The following FBRSL1 variants were observed in gnomAD, a reference collection of about 807,000 sequenced individuals.
FBRSL1 encodes fibrosin like 1.
A neutral mutation model predicts 89.6 loss-of-function variants in FBRSL1; 51 were observed. That is an observed-to-expected ratio of 0.57 (90% CI 0.45 to 0.72). The LOEUF is 0.72. Ranked by LOEUF, FBRSL1 falls within the 30% of genes least tolerant of loss-of-function variation. The pLI is 0.00. For synonymous variants in FBRSL1, 779 were observed against 681.1 expected, an observed-to-expected ratio of 1.14 and a Z score of -2.24; for missense variants, 1,618 against 1,451.8, an observed-to-expected ratio of 1.11 and a Z score of -1.86.
In FBRSL1 at chr12:132,572,643, TGG is replaced by T. The variant is rs1238637505; in HGVS notation, c.1530+24_1530+25del. The T allele has an allele frequency of 2.4e-5, 36 of 1,522,592 alleles. No homozygotes were observed. The Admixed American group carries it at 7.1e-4, about 30-fold the overall frequency. The allele number at this position is 1,522,592 out of a possible 1,614,324, so 94.3% of individuals were successfully genotyped here. A position where few individuals can be genotyped will look rare whatever the true frequency, so the allele number is the denominator to read the frequency against. The stretch of plus-strand genomic sequence containing the variant: ...CTAAGGTACCGCTGCCCCTGGCAGG[TGG>T]GGCGGGCACAGCGGGTGGGTGGATT... On this transcript the variant is annotated intron_variant, in intron 11 of 18. Transcript: ENST00000680143.
intron 5 of FBRSL1, among the ~76,000 whole-genome samples, chr12:132,559,171 C>T (rs1293881365): frequency 6.6e-6 from 1 of 152,250 alleles, no homozygotes; most frequent in Non-Finnish European, 1.5e-5. Flanking sequence ...TCCCTCCCGG[C>T]CACCTCAAGT....
In FBRSL1 at chr12:132,499,243, G is replaced by C. The variant is rs1204310465; in HGVS notation, c.291+8382G>C. 6.6e-6 allele frequency among the ~76,000 whole-genome samples: 1 copy of C among 152,060 alleles called. No individual in the cohort carries two copies. The highest frequency in any genetic ancestry group is 1.5e-5 in the Non-Finnish European group (1 of 67,986). ...TGCCGGGCAGGGGTGGTGCCGGGCA[G>C]GGGTGGTGCTGGACCTCTGGGAGAG... On this transcript the variant is annotated intron_variant, in intron 1 of 18. Coordinates refer to ENST00000680143, the MANE Select transcript of FBRSL1 (RefSeq NM_001367871.1). This position sits in a 1 kb window ranked among gnomAD's most constrained non-coding sequence, Gnocchi z 4.3.
chr12:132,581,861 C>T, intron 17 of FBRSL1, 37 bp downstream of exon 17: 1 of 1,489,948 alleles, frequency 6.7e-7, no homozygotes, highest in Non-Finnish European at 9.0e-7. Context: ...CCCCCGATGC[C>T]CGCGCCCCTC....
intron 2 of FBRSL1, among the ~76,000 whole-genome samples, chr12:132,512,889 G>C (rs915203208): frequency 2.6e-5 from 4 of 152,194 alleles, no homozygotes; most frequent in Admixed American, 2.6e-4. Flanking sequence ...AGGGGCTCTC[G>C]AGGCCTGGCC....
intron 15 of FBRSL1, chr12:132,580,805 C>G (rs2040692981): frequency 1.0e-6 from 1 of 985,332 alleles, no homozygotes; most frequent in Non-Finnish European, 1.2e-6. Flanking sequence ...GAAACCTGCT[C>G]TCTGGACCCA....
Position 132,569,966 on chromosome 12 carries a change from G to A in FBRSL1, c.732G>A (p.Val244=). 3 of 1,450,848 alleles carry A rather than the reference G, an allele frequency of 2.1e-6. No individual in the cohort carries two copies. The highest frequency in any genetic ancestry group is 2.7e-6 in the Non-Finnish European group (3 of 1,110,362). 89.9% of individuals were successfully genotyped at this position (1,450,848 alleles called of 1,614,324 possible). ...LEKSEAKAGP[V]PKVSGLERSR... ...AGTCGGAGGCCAAGGCCGGGCCGGT[G>A]CCCAAGGTGTCAGGCCTGGAGCGCA... is the stretch of plus-strand genomic sequence containing the variant. The change falls in exon 7 of 19, where the codon GTG becomes GTA. Residue 244 remains valine (V), a synonymous_variant. Coordinates refer to ENST00000680143, the MANE Select transcript of FBRSL1 (RefSeq NM_001367871.1).
intron 2 of FBRSL1, among the ~76,000 whole-genome samples, chr12:132,514,221 G>A (rs1265793558): frequency 6.6e-6 from 1 of 152,184 alleles, no homozygotes; most frequent in African/African-American, 2.4e-5. Flanking sequence ...GGCATGAGTG[G>A]GGGGCTGGGG....
intron 2 of FBRSL1, among the ~76,000 whole-genome samples, chr12:132,516,557 T>G (rs1281770984): frequency 6.6e-6 from 1 of 152,078 alleles, no homozygotes; most frequent in East Asian, 1.9e-4. Context: ...CAGTGCCACC[T>G]CCCCCAGCCT....
rs7979693 is a variant in FBRSL1 at position 132,574,207 on chromosome 12, G to C, written c.1599+49G>C. The stretch of plus-strand genomic sequence containing the variant: ...CCCACCCCGGGGGATGGCCTGCCCC[G>C]GCCGGGCCCTGTGCGGGCTGGTGGC... On this transcript the variant is annotated intron_variant, in intron 12 of 18. Transcript: ENST00000680143. 3.7e-3 allele frequency: 5,365 copies of C among 1,431,742 alleles called. 169 individuals carry two copies. In the African/African-American group the frequency reaches 0.066, roughly 18 times the overall value. 88.7% of individuals were successfully genotyped at this position (1,431,742 alleles called of 1,614,324 possible).
rs1053474813 is a variant in FBRSL1 at position 132,546,715 on chromosome 12, C to G, written c.616-1288C>G. Among the ~76,000 whole-genome samples the G allele has an allele frequency of 1.8e-4, 27 of 152,216 alleles. No homozygotes were observed. The highest frequency in any genetic ancestry group is 4.6e-4 in the Admixed American group (7 of 15,286). Reference sequence around the variant, plus strand: ...CCTGTCAGCCTCAGGAGACCCCCCCCACAGGCCCACCCCAGCTGCCCAGCT... The same window carrying G: ...CCTGTCAGCCTCAGGAGACCCCCCCGACAGGCCCACCCCAGCTGCCCAGCT... On this transcript the variant is annotated intron_variant, in intron 4 of 18. Coordinates refer to ENST00000680143, the MANE Select transcript of FBRSL1 (RefSeq NM_001367871.1). This position sits in a 1 kb window ranked among gnomAD's most constrained non-coding sequence, Gnocchi z 4.0.
At chr12:132,581,912 T>TGACCTCCCTCCTCTCTGG in intron 17 of FBRSL1, 88 bp downstream of exon 17, 1 of 1,353,878 alleles carries the variant, frequency 7.4e-7, no homozygotes, top group Non-Finnish European at 1.0e-6. Flanking sequence ...GATGCCTGGC[T>TGACCTCCCTCCTCTCTGG]GACCTCCCTC....
chr12:132,577,680 G>A (rs11146949), intron 15 of FBRSL1, among the ~76,000 whole-genome samples: 1,586 of 140,874 alleles, frequency 0.011, 32 homozygotes, highest in East Asian at 0.11. Flanking sequence ...GACCACACCC[G>A]AGTGTCATCC....
intron 1 of FBRSL1, among the ~76,000 whole-genome samples, chr12:132,492,841 A>C (rs559443188): frequency 6.6e-6 from 1 of 152,354 alleles, no homozygotes; most frequent in Admixed American, 6.5e-5. Context: ...GGGCTTCTGC[A>C]CAAGTCATAA....
Position 132,571,196 on chromosome 12 carries a change from C to G in FBRSL1, c.1342C>G (p.His448Asp). Residue 448 changes from histidine to aspartate, a missense_variant, in exon 9 of 19, where the codon CAC (histidine) becomes GAC (aspartate). By Grantham distance (81) the His-to-Asp change is moderately conservative. Transcript: ENST00000680143. ...APLGPHVASG[H>D]PGLACRPREC... is the part of the protein sequence containing the mutation. ...CCTGGGCCCGCACGTGGCGAGCGGC[C>G]ACCCCGGCTTGGCCTGCCGACCCCG... is the stretch of plus-strand genomic sequence containing the variant. The G allele has an allele frequency of 2.1e-6, 3 of 1,434,412 alleles. No homozygotes were observed. The highest frequency in any genetic ancestry group is 2.7e-6 in the Non-Finnish European group (3 of 1,091,394). The allele number at this position is 1,434,412 out of a possible 1,614,324, so 88.9% of individuals were successfully genotyped here.
rs11208 is a variant in FBRSL1, at chr12:132,584,760, T to C, written c.*982T>C. 0.21 allele frequency: 32,257 copies of C among 152,346 alleles called. 3,650 individuals carry two copies. Among genetic ancestry groups the C allele is most frequent in the Middle Eastern group, 0.31 (91 of 294 alleles). 9.4% of individuals were successfully genotyped at this position (152,346 alleles called of 1,614,324 possible). A position where few individuals can be genotyped will look rare whatever the true frequency, so the allele number is the denominator to read the frequency against. On this transcript the variant is annotated 3_prime_UTR_variant, in exon 19 of 19. Coordinates refer to ENST00000680143, the MANE Select transcript of FBRSL1 (RefSeq NM_001367871.1). ...GTTTGTGTGGATGGTGCAGTGTTCT[T>C]GGAATCTGTAGACCAGATCGGTGGA... is the stretch of plus-strand genomic sequence containing the variant.
intron 2 of FBRSL1, chr12:132,510,810 G>A (rs941037048): frequency 1.8e-5 from 20 of 1,117,660 alleles, no homozygotes; most frequent in African/African-American, 1.1e-4. Context: ...CCCTGAGGGC[G>A]GGGACCTTGC....
chr12:132,561,155 C>T (rs2039091093), intron 5 of FBRSL1, among the ~76,000 whole-genome samples: 2 of 152,234 alleles, frequency 1.3e-5, no homozygotes, highest in Admixed American at 6.5e-5. Context: ...TGGAGGCCAC[C>T]TGCCTCCGGG....
intron 4 of FBRSL1, among the ~76,000 whole-genome samples, chr12:132,530,451 G>A (rs1019538499): frequency 6.6e-6 from 1 of 151,950 alleles, no homozygotes; most frequent in African/African-American, 2.4e-5. Context: ...TTAAGCTCTG[G>A]AAGGTGGGCT....
At chr12:132,553,667 A>G (rs556685435) in intron 5 of FBRSL1, 1 of 152,356 alleles carries the variant, frequency 6.6e-6, no homozygotes, top group East Asian at 1.9e-4. Flanking sequence ...CAAAGGCCCA[A>G]TAGCCAGTGA....
Sources: gnomAD v4.1 joint callset for allele counts (sites outside exome capture counted in the v4.1 genomes callset) on GRCh38, gnomAD v4.1.1 for gene constraint, Gnocchi (gnomAD v3.1) non-coding constraint, MANE v1.5 for transcripts, NCBI Gene and HGNC (gene_info 2026-07-23, HGNC 2026-07-21) for gene names.